CDYL: variants seen among roughly 807,000 people sequenced by gnomAD.
CDYL encodes the protein chromodomain Y like, also known as chromodomain Y-like protein.
Under a neutral mutation model 47.3 loss-of-function variants are expected in CDYL, and 8 were observed. The ratio of observed to expected loss-of-function variants is 0.17; its 90% confidence interval spans 0.10 to 0.31. The LOEUF (loss-of-function observed/expected upper bound fraction) is 0.31. Ranked by LOEUF, CDYL falls within the 10% of genes least tolerant of loss-of-function variation. CDYL has a pLI of 1.00. For missense variants in CDYL, 471 were observed against 701.4 expected, an observed-to-expected ratio of 0.67 and a Z score of 3.71; for synonymous variants, 266 against 265.0, an observed-to-expected ratio of 1.00 and a Z score of -0.04.
In CDYL at chr6:4,729,526, G is replaced by C. The variant is rs554030820; in HGVS notation, c.104-5236G>C. On this transcript the variant is annotated intron_variant, in intron 2 of 8. Transcript: ENST00000328908. Reference sequence around the variant, plus strand: ...TTGTCACACCTAGGCATGGATCCGAGAAGTCCTCACATGCTCACATGCAGA... The same window carrying C: ...TTGTCACACCTAGGCATGGATCCGACAAGTCCTCACATGCTCACATGCAGA... 2.2e-3 allele frequency among the ~76,000 whole-genome samples: 340 copies of C among 151,938 alleles called. 1 individual carries two copies. Among genetic ancestry groups the C allele is most frequent in the Non-Finnish European group, 2.3e-3 (154 of 68,034 alleles).
At chr6:4,841,675 T>TA (rs1760494346) in intron 1 of CDYL, among the ~76,000 whole-genome samples, 1 of 152,074 alleles carries the variant, frequency 6.6e-6, no homozygotes, top group African/African-American at 2.4e-5. Flanking sequence ...GAGCAGGTTA[T>TA]TTAATTTTTA....
chr6:4,897,790 G>GTTTTGTTTT (rs75519192), intron 2 of CDYL, among the ~76,000 whole-genome samples: 1,635 of 140,212 alleles, frequency 0.012, 29 homozygotes, highest in African/African-American at 0.036. Context: ...GAAGGTTTTT[G>GTTTTGTTTT]TTTTTTTTTT....
chr6:4,900,798 T>TCTATATAGATATAG lies in CDYL; in HGVS notation c.691+8419_691+8420insCTATATAGATATAG, dbSNP rs1561697553. Reference sequence around the variant, plus strand: ...ACGTGTGTATATATATATATATATATATATATATATATATATATATATATA... The same window carrying TCTATATAGATATAG: ...ACGTGTGTATATATATATATATATATCTATATAGATATAGATATATATATATATATATATATATA... On this transcript the variant is annotated intron_variant, in intron 2 of 6. Coordinates refer to ENST00000397588, the MANE Select transcript of CDYL (RefSeq NM_004824.4). Among the ~76,000 whole-genome samples, 26 of 80,514 alleles carry TCTATATAGATATAG rather than the reference T, an allele frequency of 3.2e-4. 1 individual carries two copies. The highest frequency in any genetic ancestry group is 1.4e-3 in the African/African-American group (26 of 18,908). The allele number at this position is 80,514 out of a possible 152,430, so 52.8% of individuals were successfully genotyped here.
At chr6:4,875,149 G>A (rs974258992) in intron 1 of CDYL, among the ~76,000 whole-genome samples, 17 of 152,146 alleles carry the variant, frequency 1.1e-4, no homozygotes, top group Non-Finnish European at 1.6e-4. Flanking sequence ...GACAGGCATC[G>A]CAGGAGAGTC....
chr6:4,894,937 A>ATGTGTG (rs1554105570), intron 2 of CDYL, among the ~76,000 whole-genome samples: 2 of 26,922 alleles, frequency 7.4e-5, no homozygotes, highest in Non-Finnish European at 2.8e-4. Context: ...GTATGTGTGT[A>ATGTGTG]TATGTGTATG....
At chr6:4,943,782 A>AG in intron 5 of CDYL, 26 bp downstream of exon 5, 2 of 1,521,166 alleles carry the variant, frequency 1.3e-6, no homozygotes, top group Non-Finnish European at 1.8e-6. Context: ...AAAAAAAAAA[A>AG]AAAAAGTCAT....
rs1762203539 is a variant in CDYL at position 4,895,245 on chromosome 6, G to GTGTATATATGTGCATGTATACATGTA, written c.691+2882_691+2907dup. On this transcript the variant is annotated intron_variant, in intron 2 of 6. Transcript: ENST00000397588. ...TGTATAGATACATATATGTACAGAT[G>GTGTATATATGTGCATGTATACATGTA]TGTATATATGTGCATGTATACATGT... 2.4e-4 allele frequency among the ~76,000 whole-genome samples: 2 copies of GTGTATATATGTGCATGTATACATGTA among 8,240 alleles called. 1 individual carries two copies. The highest frequency in any genetic ancestry group is 2.6e-4 in the African/African-American group (2 of 7,830). The allele number at this position is 8,240 out of a possible 152,430, so 5.4% of individuals were successfully genotyped here.
chr6:4,789,999 T>G (rs1275125650), intron 1 of CDYL, among the ~76,000 whole-genome samples: 1 of 152,208 alleles, frequency 6.6e-6, no homozygotes, highest in East Asian at 1.9e-4. Context: ...GAGAATGGGT[T>G]TTCTCTCCTG....
At chr6:4,784,816 T>C (rs927090005) in intron 1 of CDYL, among the ~76,000 whole-genome samples, 1 of 152,042 alleles carries the variant, frequency 6.6e-6, no homozygotes, top group Non-Finnish European at 1.5e-5. Flanking sequence ...CTGTGGGAGG[T>C]AGTTGAATCG....
chr6:4,718,068 C>T (rs1209648609), intron 2 of CDYL, among the ~76,000 whole-genome samples: 3 of 152,054 alleles, frequency 2.0e-5, no homozygotes, highest in Non-Finnish European at 2.9e-5. Context: ...GTCTCCTGGC[C>T]TCAAGCAATC....
At chr6:4,751,465 AC>A (rs1182599129) in intron 3 of CDYL, among the ~76,000 whole-genome samples, 1 of 152,224 alleles carries the variant, frequency 6.6e-6, no homozygotes, top group Non-Finnish European at 1.5e-5. Flanking sequence ...ATTTAAGTAT[AC>A]CTTTCCTACT....
At chr6:4,753,786 C>CCTGGCTT (rs1360025949) in intron 3 of CDYL, among the ~76,000 whole-genome samples, 5 of 152,184 alleles carry the variant, frequency 3.3e-5, no homozygotes, top group Admixed American at 2.0e-4. Context: ...TCAGGAGAAA[C>CCTGGCTT]CTGGCTTCTA....
At chr6:4,925,710 C>A (rs967707687) in intron 2 of CDYL, among the ~76,000 whole-genome samples, 1 of 152,216 alleles carries the variant, frequency 6.6e-6, no homozygotes, top group South Asian at 2.1e-4. Flanking sequence ...GTAGACTGTC[C>A]TCCAGCTGGG....
chr6:4,848,653 G>GTAT (rs1316169289), intron 1 of CDYL, among the ~76,000 whole-genome samples: 7 of 152,252 alleles, frequency 4.6e-5, no homozygotes, highest in Admixed American at 3.3e-4. Context: ...TTCCTAGGGA[G>GTAT]TATTAGCACA....
chr6:4,901,128 G>A (rs1365928982), intron 2 of CDYL, among the ~76,000 whole-genome samples: 1 of 151,616 alleles, frequency 6.6e-6, no homozygotes, highest in Non-Finnish European at 1.5e-5. Context: ...TCATTACTTT[G>A]GGCTTATATG....
At chr6:4,818,239 A>G (rs1248768610) in intron 1 of CDYL, among the ~76,000 whole-genome samples, 1 of 152,214 alleles carries the variant, frequency 6.6e-6, no homozygotes, top group African/African-American at 2.4e-5. Flanking sequence ...TGGGTGATAA[A>G]GTGAGCCCCT....
chr6:4,900,005 C>T (rs1464588807), intron 2 of CDYL, among the ~76,000 whole-genome samples: 1 of 152,166 alleles, frequency 6.6e-6, no homozygotes, highest in Non-Finnish European at 1.5e-5. Context: ...AATGTTAACA[C>T]ACATCCTGTT....
intron 5 of CDYL, among the ~76,000 whole-genome samples, chr6:4,951,937 G>A (rs1210850417): frequency 6.6e-6 from 1 of 152,192 alleles, no homozygotes; most frequent in Non-Finnish European, 1.5e-5. Flanking sequence ...AGCTATACCA[G>A]TAACTTTTTA....
intron 3 of CDYL, among the ~76,000 whole-genome samples, chr6:4,738,566 C>T (rs1432719326): frequency 1.3e-5 from 2 of 152,170 alleles, no homozygotes; most frequent in Non-Finnish European, 2.9e-5. Flanking sequence ...ACCAAAGATT[C>T]TCATGCACTA....
Sources: allele counts gnomAD v4.1 joint callset (sites outside exome capture counted in the v4.1 genomes callset), GRCh38; gene constraint gnomAD v4.1.1; transcripts MANE v1.5; gene names NCBI Gene and HGNC (gene_info 2026-07-23, HGNC 2026-07-21).